Variants in DLGAP4 observed in about 807,000 individuals in gnomAD.
DLGAP4 encodes the protein disks large-associated protein 4.
In DLGAP4, 18 loss-of-function variants were observed where a neutral mutation model predicts 86.9. That is an observed-to-expected ratio of 0.21 (90% confidence interval 0.14 to 0.31). The LOEUF (loss-of-function observed/expected upper bound fraction) is 0.31. Among genes scored for constraint, DLGAP4 ranks in the 10% least tolerant of loss-of-function variants. DLGAP4 has a pLI of 1.00. For synonymous variants in DLGAP4, 548 were observed against 574.3 expected (o/e 0.95, Z 0.65); for missense variants, 1,085 against 1,362.6 (o/e 0.80, Z 3.21).
At chr20:36,404,976 C>A (rs1029112116) in intron 2 of DLGAP4, among the ~76,000 whole-genome samples, 2 of 152,092 alleles carry the variant, frequency 1.3e-5, no homozygotes, top group African/African-American at 4.8e-5. Context: ...CTGGAGGAGG[C>A]GGTGTGCGCT....
At chr20:36,511,035 G>A (rs527832228) in intron 10 of DLGAP4, 2 of 152,132 alleles carry the variant, frequency 1.3e-5, no homozygotes, top group Non-Finnish European at 2.9e-5. Context: ...GATGAAAACT[G>A]GAAGTAGAGT....
rs548217372 is a variant in DLGAP4 at position 36,485,351 on chromosome 20, C to CAA, written c.1649-11337_1649-11336dup. 8.8e-3 allele frequency among the ~76,000 whole-genome samples: 669 copies of CAA among 75,722 alleles called. 3 individuals are homozygous for CAA. Among genetic ancestry groups the CAA allele is most frequent in the African/African-American group, 0.024 (573 of 23,580 alleles). The allele number at this position is 75,722 out of a possible 152,430, so 49.7% of individuals were successfully genotyped here. ...GCCATGACAGAGTGAGACCCTGTCC[C>CAA]AAAAAAAAAAAAAAAAAACTGCTAG... On this transcript the variant is annotated intron_variant, in intron 7 of 12. Coordinates refer to ENST00000339266, the MANE Select transcript of DLGAP4 (RefSeq NM_001365621.2).
At chr20:36,438,996 C>T (rs779469012) in intron 4 of DLGAP4, among the ~76,000 whole-genome samples, 35 of 152,096 alleles carry the variant, frequency 2.3e-4, no homozygotes, top group Non-Finnish European at 4.1e-4. Flanking sequence ...TCCTACAATC[C>T]GAGTGACCAG....
At chr20:36,467,194 T>C (rs913616056) in intron 7 of DLGAP4, among the ~76,000 whole-genome samples, 1 of 152,126 alleles carries the variant, frequency 6.6e-6, no homozygotes, top group Admixed American at 6.5e-5. Flanking sequence ...CCTACAATTA[T>C]GAGAGACTGT....
At chr20:36,453,749 A>T (rs970260177) in intron 7 of DLGAP4, among the ~76,000 whole-genome samples, 3 of 151,776 alleles carry the variant, frequency 2.0e-5, no homozygotes, top group East Asian at 3.9e-4. Context: ...CCTGGCCAAC[A>T]TGGTGAAACC....
rs772752178 is a variant in DLGAP4, at chr20:36,524,341, G to C, written c.2604G>C (p.Leu868Phe). ...QQFRGLCEQN[L>F]NPDANPRPTA... ...TCCGGGGCCTCTGTGAGCAAAACTT[G>C]GTGAGTGTGATTCTCCTTCCTCCAC... The change falls in exon 11 of 13, where the codon TTG becomes TTC. Residue 868 changes from leucine to phenylalanine, a missense_variant and splice_region_variant. Physicochemically the swap from Leu to Phe is conservative, Grantham distance 22. Coordinates refer to ENST00000339266, the MANE Select transcript of DLGAP4 (RefSeq NM_001365621.2). 1.9e-6 allele frequency: 3 copies of C among 1,612,024 alleles called. No individual in the cohort carries two copies. Among genetic ancestry groups the C allele is most frequent in the Non-Finnish European group, 1.7e-6 (2 of 1,178,922 alleles).
In DLGAP4 at chr20:36,500,756, C is replaced by T; in HGVS notation, c.2512+145C>T. ...AGTTTTTGAGCTCCCTTCTTACTTTCTTCGCATTCTTCCATCCATCCACCT... is the reference window on the plus strand; with the variant it reads ...AGTTTTTGAGCTCCCTTCTTACTTTTTTCGCATTCTTCCATCCATCCACCT... On this transcript the variant is annotated intron_variant, in intron 10 of 12. Coordinates refer to ENST00000339266, the MANE Select transcript of DLGAP4 (RefSeq NM_001365621.2). The surrounding 1 kb of genome is among the most constrained non-coding windows in gnomAD (Gnocchi z 4.6). The T allele has an allele frequency of 2.8e-6, 2 of 706,062 alleles. No homozygotes were observed. Among genetic ancestry groups the T allele is most frequent in the Non-Finnish European group, 4.1e-6 (2 of 485,674 alleles). 43.7% of individuals were successfully genotyped at this position (706,062 alleles called of 1,614,324 possible). A position where few individuals can be genotyped will look rare whatever the true frequency, so the allele number is the denominator to read the frequency against.
chr20:36,339,919 C>A (rs539454906), intron 1 of DLGAP4, among the ~76,000 whole-genome samples: 33 of 152,264 alleles, frequency 2.2e-4, no homozygotes, highest in African/African-American at 7.7e-4. Context: ...GAGCTCTGGA[C>A]CTCCGGCAAG....
chr20:36,420,528 C>G (rs763450966), intron 2 of DLGAP4, among the ~76,000 whole-genome samples: 6 of 152,120 alleles, frequency 3.9e-5, no homozygotes, highest in African/African-American at 1.2e-4. Context: ...GAAATGAGGT[C>G]GGGAAAGCCA....
chr20:36,522,762 C>T (rs1199102893), intron 10 of DLGAP4, among the ~76,000 whole-genome samples: 3 of 152,090 alleles, frequency 2.0e-5, no homozygotes, highest in African/African-American at 7.2e-5. Context: ...GTGATCCACC[C>T]GCCTCAGCCT....
chr20:36,472,106 C>T (rs1368266161), intron 7 of DLGAP4, among the ~76,000 whole-genome samples: 1 of 152,176 alleles, frequency 6.6e-6, no homozygotes, highest in African/African-American at 2.4e-5. Context: ...GCTCCCCCAG[C>T]AGATCATCTT....
chr20:36,403,628 G>A (rs745584623), intron 2 of DLGAP4, among the ~76,000 whole-genome samples: 7 of 152,226 alleles, frequency 4.6e-5, no homozygotes, highest in Non-Finnish European at 1.0e-4. Context: ...CAAACTCAAC[G>A]TGTTTCCAGA....
chr20:36,418,349 G>A (rs1416163977), intron 2 of DLGAP4, among the ~76,000 whole-genome samples: 1 of 151,930 alleles, frequency 6.6e-6, no homozygotes, highest in Non-Finnish European at 1.5e-5. Context: ...CTGACCTCAA[G>A]TGATTCACCC....
intron 7 of DLGAP4, among the ~76,000 whole-genome samples, chr20:36,467,017 CCTCTCTCTCTCTCTCT>C (rs55778929): frequency 1.8e-3 from 90 of 50,358 alleles, no homozygotes; most frequent in Middle Eastern, 0.022. Flanking sequence ...CTCTCTCTCT[CCTCTCTCTCTCTCTCT>C]CTCTCTCTCT....
intron 1 of DLGAP4, among the ~76,000 whole-genome samples, chr20:36,325,719 C>G (rs568150952): frequency 7.0e-6 from 1 of 142,408 alleles, no homozygotes; most frequent in East Asian, 2.0e-4. Flanking sequence ...ACAAAATATA[C>G]TTTTTTTTTT....
chr20:36,411,622 C>T (rs2032501878), intron 2 of DLGAP4, among the ~76,000 whole-genome samples: 1 of 152,210 alleles, frequency 6.6e-6, no homozygotes, highest in African/African-American at 2.4e-5. Flanking sequence ...AGCGGAATTG[C>T]TGGCACCCAT....
intron 1 of DLGAP4, among the ~76,000 whole-genome samples, chr20:36,313,728 TA>T (rs1251611540): frequency 1 from 152,283 of 152,284 alleles, 76,141 homozygotes; most frequent in Middle Eastern, 1. Context: ...TCATCCGTTT[TA>T]ACATCTGGGG....
At chr20:36,417,666 G>T (rs972433358) in intron 2 of DLGAP4, among the ~76,000 whole-genome samples, 1 of 151,994 alleles carries the variant, frequency 6.6e-6, no homozygotes, top group Non-Finnish European at 1.5e-5. Context: ...TTATAAGCAT[G>T]AGTCTCCGTG....
intron 6 of DLGAP4, among the ~76,000 whole-genome samples, chr20:36,444,996 C>T (rs2033552533): frequency 6.6e-6 from 1 of 151,454 alleles, no homozygotes; most frequent in African/African-American, 2.4e-5. Flanking sequence ...TTGCTTTGTC[C>T]CCCAGGCTGG....
Sources: allele counts gnomAD v4.1 joint callset (sites outside exome capture counted in the v4.1 genomes callset), GRCh38; gene constraint gnomAD v4.1.1; non-coding constraint Gnocchi (gnomAD v3.1); transcripts MANE v1.5; gene names NCBI Gene and HGNC (gene_info 2026-07-23, HGNC 2026-07-21).